Variants in TMPRSS11D observed in about 807,000 individuals in gnomAD.
TMPRSS11D encodes the protein transmembrane protease serine 11D.
A neutral mutation model predicts 44.4 loss-of-function variants in TMPRSS11D; 32 were observed. That is an observed-to-expected ratio of 0.72 (90% CI 0.54 to 0.97). TMPRSS11D has a LOEUF of 0.97. Among genes scored for constraint, TMPRSS11D ranks in the 50% least tolerant of loss-of-function variants. TMPRSS11D has a pLI of 0.00. For missense variants in TMPRSS11D, 446 were observed against 502.6 expected (o/e 0.89, Z 1.08); for synonymous variants, 179 against 177.9 (o/e 1.01, Z -0.05).
chr4:67,859,815 T>C (rs765914737), intron 1 of TMPRSS11D, 137 bp from the exon 2 acceptor site: 24 of 1,221,272 alleles, frequency 2.0e-5, no homozygotes, highest in Non-Finnish European at 2.7e-5. Flanking sequence ...TATTCGTAGA[T>C]ATGAAACTGA....
At chr4:67,827,912 A>G (rs12646905) in intron 7 of TMPRSS11D, among the ~76,000 whole-genome samples, 16,898 of 152,092 alleles carry the variant, frequency 0.11, 1,201 homozygotes, top group East Asian at 0.32. Flanking sequence ...AATTTTTTTC[A>G]ATCCCTGTCT....
At chr4:67,875,776 G>A (rs532154394) in intron 1 of TMPRSS11D, among the ~76,000 whole-genome samples, 6 of 152,228 alleles carry the variant, frequency 3.9e-5, no homozygotes, top group Non-Finnish European at 7.3e-5. Flanking sequence ...TTAAAAACTT[G>A]TTAACACAAC....
intron 9 of TMPRSS11D, among the ~76,000 whole-genome samples, chr4:67,823,769 A>G (rs569732303): frequency 6.6e-6 from 1 of 152,240 alleles, no homozygotes; most frequent in South Asian, 2.1e-4. Context: ...TTTAGATGAC[A>G]TATGCATGCT....
intron 1 of TMPRSS11D, among the ~76,000 whole-genome samples, chr4:67,881,373 T>G (rs1348617267): frequency 6.6e-6 from 1 of 152,220 alleles, no homozygotes. Flanking sequence ...GATGACTGAC[T>G]GCAGCTGATC....
rs1245274442 is a variant in TMPRSS11D at position 67,833,362 on chromosome 4, G to C, written c.534C>G (p.Asp178Glu). ...TTCTCTGCTCAGACAATGTTATTAGGTCTGGACCGGCCCCACATTCTAATG... is the reference window on the plus strand; with the variant it reads ...TTCTCTGCTCAGACAATGTTATTAGCTCTGGACCGGCCCCACATTCTAATG... Reference protein sequence around the residue: ...WLINECGAGPDLITLSEQRIL... With the variant: ...WLINECGAGPELITLSEQRIL... Residue 178 changes from aspartate to glutamate, a missense_variant, in exon 7 of 10, where the codon GAC becomes GAG. Coordinates refer to ENST00000283916, the MANE Select transcript of TMPRSS11D (RefSeq NM_004262.3). 6.5e-7 allele frequency: 1 copy of C among 1,542,930 alleles called. No individual in the cohort carries two copies. The highest frequency in any genetic ancestry group is 1.4e-5 in the African/African-American group (1 of 71,476).
chr4:67,834,396 G>T (rs1399570838), intron 6 of TMPRSS11D, among the ~76,000 whole-genome samples: 1 of 152,082 alleles, frequency 6.6e-6, no homozygotes, highest in Non-Finnish European at 1.5e-5. Context: ...CAATAAGCAT[G>T]AATTAAATAC....
chr4:67,870,615 C>T (rs1050512388), intron 1 of TMPRSS11D, among the ~76,000 whole-genome samples: 5 of 151,974 alleles, frequency 3.3e-5, no homozygotes, highest in Non-Finnish European at 7.4e-5. Context: ...GAGATCGAGA[C>T]CATCCTGGCT....
At chr4:67,875,681 T>G (rs1453126399) in intron 1 of TMPRSS11D, among the ~76,000 whole-genome samples, 4 of 152,244 alleles carry the variant, frequency 2.6e-5, no homozygotes, top group African/African-American at 7.2e-5. Context: ...TGTGTGAACC[T>G]GGGAAGTCAC....
intron 1 of TMPRSS11D, among the ~76,000 whole-genome samples, chr4:67,866,681 A>G (rs1718933451): frequency 1.3e-5 from 2 of 152,092 alleles, no homozygotes; most frequent in South Asian, 4.1e-4. Flanking sequence ...TAGCATTTTT[A>G]TACATCAATA....
At chr4:67,867,574 A>G (rs934362746) in intron 1 of TMPRSS11D, among the ~76,000 whole-genome samples, 10 of 152,182 alleles carry the variant, frequency 6.6e-5, no homozygotes, top group Non-Finnish European at 1.5e-4. Flanking sequence ...TTTGCAAGCT[A>G]TGCATCTTAC....
chr4:67,827,349 G>C lies in TMPRSS11D; in HGVS notation c.864C>G (p.Ile288Met). The change falls in exon 8 of 10, where the codon ATC (isoleucine) becomes ATG (methionine). Residue 288 changes from isoleucine to methionine, a missense_variant. Transcript: ENST00000283916. ...TAGCAGCTGGGAGACACACACTATG[G>C]ATATCTTTGGTAAAGGTGACACTGT... ...LENSVTFTKDIHSVCLPAATQ... is the reference protein window; with the variant it reads ...LENSVTFTKDMHSVCLPAATQ... 2 of 1,613,262 alleles carry C rather than the reference G, an allele frequency of 1.2e-6. No individual in the cohort carries two copies. Among genetic ancestry groups the C allele is most frequent in the Non-Finnish European group, 1.7e-6 (2 of 1,179,542 alleles).
At position 67,872,372 on chromosome 4, in the gene TMPRSS11D, T is replaced by C. The variant is rs72643682; in HGVS notation, c.8+11554A>G. ...CTAACCTTTATTGGCACAAAATAAT[T>C]TTGCTGGCTACCGTAAATTATAAAA... On this transcript the variant is annotated intron_variant, in intron 1 of 9. Transcript: ENST00000283916. 5.8e-3 allele frequency among the ~76,000 whole-genome samples: 880 copies of C among 152,272 alleles called. 3 individuals carry two copies. The highest frequency in any genetic ancestry group is 0.01 in the Non-Finnish European group (688 of 68,024).
chr4:67,821,895 T>C lies in TMPRSS11D; in HGVS notation c.*442A>G, dbSNP rs955213473. 2 of 154,354 alleles carry C rather than the reference T, an allele frequency of 1.3e-5. No individual in the cohort carries two copies. The highest frequency in any genetic ancestry group is 2.9e-5 in the Non-Finnish European group (2 of 69,392). The allele number at this position is 154,354 out of a possible 1,614,324, so 9.6% of individuals were successfully genotyped here. A position where few individuals can be genotyped will look rare whatever the true frequency, so the allele number is the denominator to read the frequency against. On this transcript the variant is annotated 3_prime_UTR_variant, in exon 10 of 10. Coordinates refer to ENST00000283916, the MANE Select transcript of TMPRSS11D (RefSeq NM_004262.3). ...TTCTCTTGCCTCATACTGTTCTTTT[T>C]GTCTTGAATATTATTCTATCACTTT...
intron 5 of TMPRSS11D, 114 bp from the exon 6 acceptor site, chr4:67,835,235 G>T: frequency 1.0e-6 from 1 of 1,002,626 alleles, no homozygotes; most frequent in Non-Finnish European, 1.5e-6. Flanking sequence ...TGTTGGGGTT[G>T]GGAGGTGGTC....
At chr4:67,842,088 G>T in intron 4 of TMPRSS11D, among the ~76,000 whole-genome samples, 1 of 152,142 alleles carries the variant, frequency 6.6e-6, no homozygotes, top group East Asian at 1.9e-4. Context: ...ATTCATGATA[G>T]ACATGCCTTG....
At chr4:67,874,137 G>C (rs937753287) in intron 1 of TMPRSS11D, among the ~76,000 whole-genome samples, 3 of 152,076 alleles carry the variant, frequency 2.0e-5, no homozygotes. Flanking sequence ...GTGCTATACA[G>C]GTCTGTAGCC....
Position 67,824,672 on chromosome 4 carries a change from A to G in TMPRSS11D, c.1095+1060T>C, listed in dbSNP as rs945308901. Among the ~76,000 whole-genome samples the G allele has an allele frequency of 3.3e-5, 5 of 152,268 alleles. No homozygotes were observed. The South Asian group carries it at 1.0e-3, about 32-fold the overall frequency. On this transcript the variant is annotated intron_variant, in intron 9 of 9. Transcript: ENST00000283916. Reference sequence around the variant, plus strand: ...TGTGCTCATGGATTGGGGGCTTTCCATGAAATGTGAGAACTACTTTTTATC... The same window carrying G: ...TGTGCTCATGGATTGGGGGCTTTCCGTGAAATGTGAGAACTACTTTTTATC...
intron 1 of TMPRSS11D, among the ~76,000 whole-genome samples, chr4:67,881,943 C>A (rs1298555426): frequency 6.6e-6 from 1 of 152,164 alleles, no homozygotes; most frequent in Non-Finnish European, 1.5e-5. Flanking sequence ...TCCTATTTCC[C>A]AAACCTCATC....
chr4:67,859,837 C>T (rs1450277493), intron 1 of TMPRSS11D, among the ~76,000 whole-genome samples, 159 bp from the exon 2 acceptor site: 1 of 152,062 alleles, frequency 6.6e-6, no homozygotes, highest in Non-Finnish European at 1.5e-5. Flanking sequence ...CTTAACAAGG[C>T]TGTCCGTAGT....
Sources: gnomAD v4.1 joint callset for allele counts (sites outside exome capture counted in the v4.1 genomes callset) on GRCh38, gnomAD v4.1.1 for gene constraint, MANE v1.5 for transcripts, NCBI Gene and HGNC (gene_info 2026-07-23, HGNC 2026-07-21) for gene names.